MSI2: variants seen among roughly 807,000 people sequenced by gnomAD.
MSI2 encodes the protein RNA-binding protein Musashi homolog 2.
In MSI2, 17 loss-of-function variants were observed where a neutral mutation model predicts 45.6. The observed-to-expected ratio is 0.37, with a 90% CI of 0.26 to 0.56. The LOEUF (loss-of-function observed/expected upper bound fraction) is 0.56. MSI2 is among the 20% of genes least tolerant of loss of function. MSI2 has a pLI of 0.77. For synonymous variants in MSI2, 156 were observed against 158.2 expected, an observed-to-expected ratio of 0.99 and a Z score of 0.11; for missense variants, 293 against 444.2, an observed-to-expected ratio of 0.66 and a Z score of 3.06.
downstream of MSI2, among the ~76,000 whole-genome samples, chr17:57,685,944 T>A (rs751396224): frequency 3.3e-5 from 5 of 152,178 alleles, no homozygotes; most frequent in Non-Finnish European, 7.4e-5. Context: ...CCCAGGAGCC[T>A]AAGGAGAGAG....
At chr17:57,667,551 G>A (rs557347030) in intron 11 of MSI2, among the ~76,000 whole-genome samples, 1 of 152,268 alleles carries the variant, frequency 6.6e-6, no homozygotes, top group African/African-American at 2.4e-5. Flanking sequence ...CAGGGCCCCA[G>A]TGACTGCCTC....
chr17:57,477,074 A>G (rs927013985), intron 6 of MSI2, among the ~76,000 whole-genome samples: 3 of 151,780 alleles, frequency 2.0e-5, no homozygotes, highest in African/African-American at 7.3e-5. Context: ...GCCTGGCCTT[A>G]ACTGTGGAAA....
In MSI2 at chr17:57,282,835, CT is replaced by C. The variant is rs564440544; in HGVS notation, c.312+20656del. 3.2e-4 allele frequency among the ~76,000 whole-genome samples: 30 copies of C among 92,734 alleles called. 1 individual carries two copies. The highest frequency in any genetic ancestry group is 3.3e-4 in the Admixed American group (2 of 6,106). 60.8% of individuals were successfully genotyped at this position (92,734 alleles called of 152,430 possible). A position where few individuals can be genotyped will look rare whatever the true frequency, so the allele number is the denominator to read the frequency against. On this transcript the variant is annotated intron_variant, in intron 5 of 13. Transcript: ENST00000284073. Reference sequence around the variant, plus strand: ...CTGGGGTTGGGGGGTGGGGGGCAGACTTTTTTTTTTTTTCAGGGAACTCTGT... The same window carrying C: ...CTGGGGTTGGGGGGTGGGGGGCAGACTTTTTTTTTTTTCAGGGAACTCTGT...
chr17:57,548,908 A>ACCC (rs1481321393), intron 7 of MSI2, among the ~76,000 whole-genome samples: 5 of 52,538 alleles, frequency 9.5e-5, no homozygotes, highest in African/African-American at 2.6e-4. Context: ...TCCCCCCCCC[A>ACCC]CCCCCCCGCC....
chr17:57,421,461 G>A (rs1208841179), intron 6 of MSI2, among the ~76,000 whole-genome samples: 2 of 152,100 alleles, frequency 1.3e-5, no homozygotes, highest in African/African-American at 2.4e-5. Context: ...TAAGAGACAA[G>A]GCCTGGGAAT....
intron 6 of MSI2, among the ~76,000 whole-genome samples, chr17:57,401,819 C>T (rs2083997466): frequency 6.6e-6 from 1 of 152,138 alleles, no homozygotes; most frequent in Admixed American, 6.6e-5. Context: ...ATGGAAGCTG[C>T]TAGAGGCCTG....
chr17:57,441,978 G>A (rs2084807285), intron 6 of MSI2, among the ~76,000 whole-genome samples: 1 of 151,956 alleles, frequency 6.6e-6, no homozygotes, highest in South Asian at 2.1e-4. Context: ...GACCTCCCTT[G>A]CTTGGCTGTA....
chr17:57,257,437 C>G lies in MSI2; in HGVS notation c.104-29C>G, dbSNP rs376192730. 154 of 1,182,346 alleles carry G rather than the reference C, an allele frequency of 1.3e-4. 2 individuals carry two copies. Among genetic ancestry groups the G allele is most frequent in the Middle Eastern group, 8.0e-4 (4 of 5,006 alleles). 73.2% of individuals were successfully genotyped at this position (1,182,346 alleles called of 1,614,324 possible). On this transcript the variant is annotated intron_variant, in intron 2 of 13. Coordinates refer to ENST00000284073, the MANE Select transcript of MSI2 (RefSeq NM_138962.4). The stretch of plus-strand genomic sequence containing the variant: ...TTTTTTTTCCACACCTTCTCTCCCC[C>G]CCCCATCTCTCTCTTTCTCTCTCTA...
At chr17:57,505,103 G>A (rs1310222766) in intron 6 of MSI2, among the ~76,000 whole-genome samples, 1 of 152,128 alleles carries the variant, frequency 6.6e-6, no homozygotes, top group Non-Finnish European at 1.5e-5. Context: ...TCTGGGGGAA[G>A]GTGTGTTTGT....
chr17:57,345,581 G>C (rs1598150534), intron 5 of MSI2, among the ~76,000 whole-genome samples: 1 of 152,194 alleles, frequency 6.6e-6, no homozygotes, highest in East Asian at 1.9e-4. Flanking sequence ...CTGTATTGGG[G>C]ACTGAGGCGA....
At chr17:57,398,717 G>A (rs551627581) in intron 5 of MSI2, among the ~76,000 whole-genome samples, 1 of 152,324 alleles carries the variant, frequency 6.6e-6, no homozygotes, top group African/African-American at 2.4e-5. Flanking sequence ...TAGGAACCTT[G>A]TATGGTAGGC....
rs1210879148 is a variant in MSI2, at chr17:57,682,680, G to A, written c.*3163G>A. 1 of 215,812 alleles carries A rather than the reference G, an allele frequency of 4.6e-6. No homozygotes were observed. The highest frequency in any genetic ancestry group is 1.5e-3 in the Middle Eastern group (1 of 672). 13.4% of individuals were successfully genotyped at this position (215,812 alleles called of 1,614,324 possible). On this transcript the variant is annotated 3_prime_UTR_variant, in exon 14 of 14. Transcript: ENST00000284073. ...AAATTCTTTTAACACTGATGTTTCA[G>A]CCTCGTCTTTGTTTCAGTTAAGCTC...
At chr17:57,433,528 A>G (rs139377925) in intron 6 of MSI2, among the ~76,000 whole-genome samples, 1 of 152,356 alleles carries the variant, frequency 6.6e-6, no homozygotes, top group Non-Finnish European at 1.5e-5. Context: ...GACAGCTTCT[A>G]GAACTGCGAG....
intron 5 of MSI2, among the ~76,000 whole-genome samples, chr17:57,339,326 G>A (rs1378888171): frequency 6.6e-6 from 1 of 152,154 alleles, no homozygotes; most frequent in African/African-American, 2.4e-5. Flanking sequence ...AGCCAACTCG[G>A]TTTCCAAGTG....
intron 7 of MSI2, among the ~76,000 whole-genome samples, chr17:57,592,363 A>C (rs1904919531): frequency 6.6e-6 from 1 of 152,180 alleles, no homozygotes. Flanking sequence ...GTTATTCAGC[A>C]CTAAGTTACT....
Position 57,256,726 on chromosome 17 carries a change from G to T in MSI2, c.-17G>T. On this transcript the variant is annotated 5_prime_UTR_variant, in exon 1 of 14. Coordinates refer to ENST00000284073, the MANE Select transcript of MSI2 (RefSeq NM_138962.4). ...GGGCTTGGTTTTTTGGGGGTGGGGGGGCGGGGGGGCTCAGATATGGAGGCA... is the reference window on the plus strand; with the variant it reads ...GGGCTTGGTTTTTTGGGGGTGGGGGTGCGGGGGGGCTCAGATATGGAGGCA... 6 of 566,190 alleles carry T rather than the reference G, an allele frequency of 1.1e-5. No individual in the cohort carries two copies. The highest frequency in any genetic ancestry group is 1.6e-5 in the Non-Finnish European group (6 of 376,164). The allele number at this position is 566,190 out of a possible 1,614,324, so 35.1% of individuals were successfully genotyped here.
At chr17:57,521,054 G>A (rs2086573602) in intron 6 of MSI2, among the ~76,000 whole-genome samples, 1 of 152,170 alleles carries the variant, frequency 6.6e-6, no homozygotes, top group Admixed American at 6.5e-5. Flanking sequence ...TCAGATGGAT[G>A]CAAACTAGCA....
intron 7 of MSI2, among the ~76,000 whole-genome samples, chr17:57,536,478 G>T (rs2086922568): frequency 6.6e-6 from 1 of 152,212 alleles, no homozygotes; most frequent in African/African-American, 2.4e-5. Context: ...CTCCCACGCT[G>T]CCCTCGTTTG....
chr17:57,631,977 T>C, intron 10 of MSI2: 1 of 1,438,266 alleles, frequency 7.0e-7, no homozygotes, highest in Non-Finnish European at 9.1e-7. Flanking sequence ...CTTTTTCTCA[T>C]TTTTAATTCT....
Sources: allele counts gnomAD v4.1 joint callset (sites outside exome capture counted in the v4.1 genomes callset), GRCh38; gene constraint gnomAD v4.1.1; transcripts MANE v1.5; gene names NCBI Gene and HGNC (gene_info 2026-07-23, HGNC 2026-07-21).